GRIN2B: variants seen among roughly 807,000 people sequenced by gnomAD.
GRIN2B encodes glutamate receptor ionotropic, NMDA 2B.
GRIN2B carries 5 observed loss-of-function variants against 114.5 expected under a neutral mutation model. That is an observed-to-expected ratio of 0.04 (90% CI 0.02 to 0.09). GRIN2B has a LOEUF of 0.09. Among genes scored for constraint, GRIN2B ranks in the 10% least tolerant of loss-of-function variants. The pLI is 1.00. For missense variants in GRIN2B, 1,108 were observed against 1,943.5 expected (o/e 0.57, Z 8.08); for synonymous variants, 787 against 745.1 (o/e 1.06, Z -0.92).
chr12:13,579,022 A>G (rs75741793), intron 10 of GRIN2B, among the ~76,000 whole-genome samples: 5,842 of 152,120 alleles, frequency 0.038, 116 homozygotes, highest in South Asian at 0.066. Context: ...GCAGTGAGAG[A>G]ACAGAACAAG....
intron 4 of GRIN2B, among the ~76,000 whole-genome samples, chr12:13,706,297 T>A (rs965129722): frequency 6.6e-6 from 1 of 152,146 alleles, no homozygotes; most frequent in Non-Finnish European, 1.5e-5. Flanking sequence ...AAGGACTGAA[T>A]AGACATAAGA....
intron 4 of GRIN2B, among the ~76,000 whole-genome samples, chr12:13,726,963 G>A (rs1863001167): frequency 1.3e-5 from 2 of 152,106 alleles, no homozygotes; most frequent in South Asian, 2.1e-4. Context: ...AGTTATCGGA[G>A]CAATCCTTTC....
At chr12:13,767,471 A>T (rs1432136395) in intron 3 of GRIN2B, among the ~76,000 whole-genome samples, 1 of 152,114 alleles carries the variant, frequency 6.6e-6, no homozygotes, top group African/African-American at 2.4e-5. Flanking sequence ...GGCTGCTTTT[A>T]TTCTTGGCAT....
chr12:13,858,145 A>C (rs1565564797), intron 3 of GRIN2B, among the ~76,000 whole-genome samples: 1 of 152,242 alleles, frequency 6.6e-6, no homozygotes. Flanking sequence ...TAAAGATAAA[A>C]TATGTGCCTT....
intron 4 of GRIN2B, among the ~76,000 whole-genome samples, chr12:13,730,070 T>C (rs937444826): frequency 6.6e-6 from 1 of 151,408 alleles, no homozygotes; most frequent in African/African-American, 2.4e-5. Flanking sequence ...ATAATTTCCT[T>C]CCTCCTATCG....
In GRIN2B at chr12:13,575,580, G is replaced by A. The variant is rs1948763835; in HGVS notation, c.2011-3616C>T. ...AGGCTGAGGTGTGAGGATTGCTTGAGCCCAGGAGGTGGAGGTTGCAGTAAG... is the reference window on the plus strand; with the variant it reads ...AGGCTGAGGTGTGAGGATTGCTTGAACCCAGGAGGTGGAGGTTGCAGTAAG... On this transcript the variant is annotated intron_variant, in intron 10 of 13. Transcript: ENST00000609686. Among the ~76,000 whole-genome samples, 3 of 152,008 alleles carry A rather than the reference G, an allele frequency of 2.0e-5. No individual in the cohort carries two copies. In the South Asian group the frequency reaches 6.2e-4, roughly 32 times the overall value.
chr12:13,578,762 A>G (rs972354818), intron 10 of GRIN2B, among the ~76,000 whole-genome samples: 4 of 152,376 alleles, frequency 2.6e-5, no homozygotes, highest in African/African-American at 9.6e-5. Flanking sequence ...TTGAAACAGC[A>G]TAATAGGATA....
chr12:13,908,461 G>A (rs997835363), intron 2 of GRIN2B, among the ~76,000 whole-genome samples: 2 of 152,124 alleles, frequency 1.3e-5, no homozygotes, highest in Admixed American at 1.3e-4. Context: ...TACAGATGAG[G>A]AAACTAAAGA....
chr12:13,870,157 C>T (rs1865884267), intron 2 of GRIN2B, among the ~76,000 whole-genome samples: 1 of 152,144 alleles, frequency 6.6e-6, no homozygotes, highest in Admixed American at 6.5e-5. Context: ...CGATATAACT[C>T]CCTGAAGATG....
At chr12:13,668,056 A>G (rs1489689091) in intron 5 of GRIN2B, among the ~76,000 whole-genome samples, 10 of 152,220 alleles carry the variant, frequency 6.6e-5, no homozygotes, top group Admixed American at 5.9e-4. Flanking sequence ...CAAACCACAG[A>G]TAACTGTCAT....
chr12:13,911,188 A>G (rs528214290), intron 2 of GRIN2B, among the ~76,000 whole-genome samples: 2 of 152,178 alleles, frequency 1.3e-5, no homozygotes, highest in South Asian at 4.2e-4. Context: ...TCGAACATTT[A>G]GCACAGAATT....
At chr12:13,790,721 T>C (rs1341240460) in intron 3 of GRIN2B, among the ~76,000 whole-genome samples, 1 of 152,214 alleles carries the variant, frequency 6.6e-6, no homozygotes, top group African/African-American at 2.4e-5. Context: ...TTTTATAAAA[T>C]ACACAGTAGG....
chr12:13,610,539 A>T (rs17760662), intron 9 of GRIN2B, among the ~76,000 whole-genome samples: 9,374 of 152,246 alleles, frequency 0.062, 335 homozygotes, highest in Non-Finnish European at 0.089. Context: ...AAGGCCCCTG[A>T]TTGTACCATG....
intron 4 of GRIN2B, among the ~76,000 whole-genome samples, chr12:13,718,815 C>T (rs945347554): frequency 6.6e-6 from 1 of 152,044 alleles, no homozygotes; most frequent in Non-Finnish European, 1.5e-5. Context: ...GATATAATGA[C>T]TGGCTCCCTT....
intron 3 of GRIN2B, among the ~76,000 whole-genome samples, chr12:13,770,440 T>A (rs1863885470): frequency 1.3e-5 from 2 of 152,198 alleles, no homozygotes; most frequent in African/African-American, 4.8e-5. Context: ...AGATATTAAG[T>A]TTACCCTCTG....
intron 2 of GRIN2B, among the ~76,000 whole-genome samples, chr12:13,929,544 A>T (rs1866983080): frequency 6.6e-6 from 1 of 152,206 alleles, no homozygotes; most frequent in South Asian, 2.1e-4. Flanking sequence ...GATATCTGCA[A>T]ACTGTCTTCT....
intron 3 of GRIN2B, among the ~76,000 whole-genome samples, chr12:13,808,743 T>TAAAAA (rs61197260): frequency 4.3e-5 from 5 of 115,044 alleles, no homozygotes; most frequent in African/African-American, 1.6e-4. Context: ...TAAAGTATAA[T>TAAAAA]AAAAAAAAAA....
chr12:13,719,375 A>C (rs1204178353), intron 4 of GRIN2B, among the ~76,000 whole-genome samples: 2 of 152,070 alleles, frequency 1.3e-5, no homozygotes, highest in Non-Finnish European at 2.9e-5. Context: ...TAATTAGATA[A>C]ATCATCCCTT....
chr12:13,705,488 G>A (rs903781159), intron 4 of GRIN2B, among the ~76,000 whole-genome samples: 4 of 152,054 alleles, frequency 2.6e-5, no homozygotes, highest in Non-Finnish European at 4.4e-5. Context: ...ACAAATATAC[G>A]TTCATAAGGA....
Sources: allele counts gnomAD v4.1 joint callset (sites outside exome capture counted in the v4.1 genomes callset), GRCh38; gene constraint gnomAD v4.1.1; transcripts MANE v1.5; gene names NCBI Gene and HGNC (gene_info 2026-07-23, HGNC 2026-07-21).